The following KCNN1 variants were observed in gnomAD, a reference collection of about 807,000 sequenced individuals.
KCNN1 encodes the protein small conductance calcium-activated potassium channel protein 1.
In KCNN1, 20 loss-of-function variants were observed where a neutral mutation model predicts 44.7. The observed-to-expected ratio is 0.45, with a 90% CI of 0.32 to 0.65. KCNN1 has a LOEUF of 0.65. Among genes scored for constraint, KCNN1 ranks in the 30% least tolerant of loss-of-function variants. The pLI is 0.05. For synonymous variants in KCNN1, 324 were observed against 341.7 expected (o/e 0.95, Z 0.57); for missense variants, 632 against 785.3 (o/e 0.80, Z 2.33).
chr19:17,997,847 G>A (rs763973235), intron 9 of KCNN1, among the ~76,000 whole-genome samples: 7 of 151,630 alleles, frequency 4.6e-5, no homozygotes, highest in Admixed American at 1.3e-4. Context: ...GTAATGAGCC[G>A]AGATTGGGCC....
chr19:17,981,445 C>T (rs942655761), intron 3 of KCNN1, among the ~76,000 whole-genome samples: 1 of 149,126 alleles, frequency 6.7e-6, no homozygotes, highest in Non-Finnish European at 1.5e-5. Flanking sequence ...CCAGCTACTC[C>T]GGAGGCTGAG....
chr19:17,973,662 C>T (rs938530310), intron 1 of KCNN1, 146 bp from the exon 2 acceptor site: 13 of 907,324 alleles, frequency 1.4e-5, no homozygotes, highest in Non-Finnish European at 1.9e-5. Context: ...CAGGCTGACT[C>T]AGATGTTTCT....
chr19:17,993,541 G>A lies in KCNN1; in HGVS notation c.1359G>A (p.Thr453=), dbSNP rs376852061. Residue 453 remains threonine (T), a synonymous_variant, in exon 9 of 10, where the codon ACG becomes ACA. Coordinates refer to ENST00000684775, the MANE Select transcript of KCNN1 (RefSeq NM_001386974.1). The surrounding 1 kb of genome is among the most constrained non-coding windows in gnomAD (Gnocchi z 4.5). Reference sequence around the variant, plus strand: ...GGAAGCTGAACGACCAGGCTAACACGCTTACCGACCTAGCCAAGGTGAGTG... The same window carrying A: ...GGAAGCTGAACGACCAGGCTAACACACTTACCGACCTAGCCAAGGTGAGTG... The part of the protein sequence containing the change: ...EQGKLNDQAN[T]LTDLAKTQTV... 5.5e-5 allele frequency: 88 copies of A among 1,613,926 alleles called. No individual in the cohort carries two copies. The Middle Eastern group carries it at 1.3e-3, about 24-fold the overall frequency.
At chr19:17,975,033 G>A in intron 2 of KCNN1, 59 bp from the exon 3 acceptor site, 1 of 1,397,098 alleles carries the variant, frequency 7.2e-7, no homozygotes, top group Non-Finnish European at 1.0e-6. Context: ...AAGGGGATGG[G>A]AGGGCCGCCG....
chr19:17,952,427 C>G (rs1039445674), intron 1 of KCNN1: 1 of 152,198 alleles, frequency 6.6e-6, no homozygotes, highest in Non-Finnish European at 1.5e-5. Flanking sequence ...AAAGCTTGCC[C>G]GACTCCGGGA....
intron 3 of KCNN1, among the ~76,000 whole-genome samples, chr19:17,980,393 T>G (rs1771399779): frequency 6.6e-6 from 1 of 151,844 alleles, no homozygotes; most frequent in Admixed American, 6.6e-5. Flanking sequence ...GTTTCCACTT[T>G]TGGAGGTTGT....
Position 17,977,277 on chromosome 19 carries a change from A to G in KCNN1, c.498+2090A>G, listed in dbSNP as rs1244914359. 3.3e-5 allele frequency among the ~76,000 whole-genome samples: 5 copies of G among 152,022 alleles called. No individual in the cohort carries two copies. In the East Asian group the frequency reaches 9.6e-4, roughly 29 times the overall value. On this transcript the variant is annotated intron_variant, in intron 3 of 9. Transcript: ENST00000684775. ...CTCCCTTTGAGAGTGTCTGTGTCCA[A>G]ATTTCCCCTTTTTAAAATAAGAACA...
At chr19:17,965,649 G>A (rs535615046), upstream of KCNN1, among the ~76,000 whole-genome samples, 7 of 152,154 alleles carry the variant, frequency 4.6e-5, no homozygotes, top group East Asian at 1.9e-4. Context: ...CTGAAAACCC[G>A]CCCCTTCGGA....
intron 3 of KCNN1, among the ~76,000 whole-genome samples, chr19:17,978,132 T>G (rs1013820250): frequency 2.6e-5 from 4 of 150,946 alleles, no homozygotes; most frequent in Non-Finnish European, 5.9e-5. Flanking sequence ...ACTTGTTTTT[T>G]TTTTTTTTTT....
rs1432587989 is a variant in KCNN1, at chr19:17,998,374, T to C, written c.1600T>C (p.Trp534Arg). 5.4e-6 allele frequency: 8 copies of C among 1,494,496 alleles called. No homozygotes were observed. Among genetic ancestry groups the C allele is most frequent in the Non-Finnish European group, 6.2e-6 (7 of 1,125,464 alleles). 92.6% of individuals were successfully genotyped at this position (1,494,496 alleles called of 1,614,324 possible). A position where few individuals can be genotyped will look rare whatever the true frequency, so the allele number is the denominator to read the frequency against. ...GGCAGCCCGGAGCTCCCCCTGCCGG[T>C]GGACGCCCGTGGCCCCCTCGGACTG... ...DQAARSSPCRWTPVAPSDCG is the reference protein window; with the variant it reads ...DQAARSSPCRRTPVAPSDCG The change falls in exon 10 of 10, where the codon TGG (tryptophan) becomes CGG (arginine). Residue 534 changes from tryptophan to arginine, a missense_variant. Around this residue, in one of 3 missense-constraint regions of KCNN1, gnomAD observed 237 missense variants for 253.0 expected, o/e 0.94. Transcript: ENST00000684775. This position sits in a 1 kb window ranked among gnomAD's most constrained non-coding sequence, Gnocchi z 5.4.
chr19:17,978,617 T>C (rs2032291128), intron 3 of KCNN1, among the ~76,000 whole-genome samples: 1 of 150,852 alleles, frequency 6.6e-6, no homozygotes, highest in Non-Finnish European at 1.5e-5. Context: ...TATACAGATA[T>C]ATAAAACCAT....
At position 17,983,073 on chromosome 19, in the gene KCNN1, G is replaced by A. The variant is rs773574359; in HGVS notation, c.917+946G>A. Reference sequence around the variant, plus strand: ...GAAGGAAAACCGGCCGTGCCTTTGGGACCTCCAAGCAGGAGGGAGTCTGTT... The same window carrying A: ...GAAGGAAAACCGGCCGTGCCTTTGGAACCTCCAAGCAGGAGGGAGTCTGTT... On this transcript the variant is annotated intron_variant, in intron 4 of 9. Transcript: ENST00000684775. The surrounding 1 kb of genome is among the most constrained non-coding windows in gnomAD (Gnocchi z 4.5). Among the ~76,000 whole-genome samples the A allele has an allele frequency of 2.6e-5, 4 of 152,082 alleles. No individual in the cohort carries two copies. The highest frequency in any genetic ancestry group is 5.9e-5 in the Non-Finnish European group (4 of 68,000).
chr19:17,967,215 G>A lies in KCNN1; in HGVS notation c.-184G>A, dbSNP rs1464395966. 2 of 751,012 alleles carry A rather than the reference G, an allele frequency of 2.7e-6. No individual in the cohort carries two copies. The highest frequency in any genetic ancestry group is 6.2e-5 in the South Asian group (1 of 16,158). The allele number at this position is 751,012 out of a possible 1,614,324, so 46.5% of individuals were successfully genotyped here. A position where few individuals can be genotyped will look rare whatever the true frequency, so the allele number is the denominator to read the frequency against. On this transcript the variant is annotated 5_prime_UTR_variant, in exon 1 of 10. Coordinates refer to ENST00000684775, the MANE Select transcript of KCNN1 (RefSeq NM_001386974.1). ...GCCCCGCGCCCGCTCGCTGCTGCCC[G>A]CCCCGTCCGCGACCCCGGCTCCGGC...
chr19:17,967,115 G>C lies in KCNN1; in HGVS notation c.-284G>C. 1.0e-6 allele frequency: 1 copy of C among 978,322 alleles called. No homozygotes were observed. The highest frequency in any genetic ancestry group is 1.8e-5 in the African/African-American group (1 of 56,766). 60.6% of individuals were successfully genotyped at this position (978,322 alleles called of 1,614,324 possible). A position where few individuals can be genotyped will look rare whatever the true frequency, so the allele number is the denominator to read the frequency against. On this transcript the variant is annotated 5_prime_UTR_variant, in exon 1 of 10. Transcript: ENST00000684775. ...TCTCTCCCGGCCCGGGCGGGCGCTC[G>C]CCCCCCGCCGGGCCCGTGGACTGGG...
chr19:17,998,354 C>T lies in KCNN1; in HGVS notation c.1580C>T (p.Ala527Val), dbSNP rs896833369. The T allele has an allele frequency of 4.6e-5, 70 of 1,512,214 alleles. No homozygotes were observed. Among genetic ancestry groups the T allele is most frequent in the Non-Finnish European group, 6.1e-5 (69 of 1,133,880 alleles). The allele number at this position is 1,512,214 out of a possible 1,614,324, so 93.7% of individuals were successfully genotyped here. ...GGCCCCGGCCCCCAAGACCAGGCAG[C>T]CCGGAGCTCCCCCTGCCGGTGGACG... ...RPGPGPQDQAARSSPCRWTPV... is the reference protein window; with the variant it reads ...RPGPGPQDQAVRSSPCRWTPV... The change falls in exon 10 of 10, where the codon GCC becomes GTC. Residue 527 changes from alanine to valine, a missense_variant. By Grantham distance (64) the Ala-to-Val change is moderately conservative (BLOSUM62 0). Around this residue, in one of 3 missense-constraint regions of KCNN1, gnomAD observed 237 missense variants for 253.0 expected, o/e 0.94. Transcript: ENST00000684775. The surrounding 1 kb of genome is among the most constrained non-coding windows in gnomAD (Gnocchi z 5.4).
In KCNN1 at chr19:17,983,908, A is replaced by G. The variant is rs1424823651; in HGVS notation, c.918-1404A>G. 1.3e-5 allele frequency among the ~76,000 whole-genome samples: 2 copies of G among 151,982 alleles called. No individual in the cohort carries two copies. The highest frequency in any genetic ancestry group is 6.6e-5 in the Admixed American group (1 of 15,254). ...CACCGTGGCTCATGCCTGTAATCCC[A>G]GCACTTTGGGAGGCCGAGGCGGGTG... On this transcript the variant is annotated intron_variant, in intron 4 of 9. Transcript: ENST00000684775. The surrounding 1 kb of genome is among the most constrained non-coding windows in gnomAD (Gnocchi z 4.5).
chr19:17,988,562 C>A (rs761209094), intron 6 of KCNN1, 37 bp downstream of exon 6: 2 of 1,481,408 alleles, frequency 1.4e-6, no homozygotes, highest in East Asian at 4.6e-5. Context: ...CGCCTCCTGG[C>A]CTTGTCAGCG....
intron 5 of KCNN1, among the ~76,000 whole-genome samples, chr19:17,987,173 G>C (rs567451870): frequency 1.3e-5 from 2 of 151,060 alleles, no homozygotes; most frequent in African/African-American, 4.9e-5. Context: ...GCAGTGGCGT[G>C]ATCTCAGCTC....
intron 1 of KCNN1, 85 bp downstream of exon 1, chr19:17,967,402 G>C: frequency 2.6e-6 from 2 of 784,160 alleles, no homozygotes; most frequent in Non-Finnish European, 3.1e-6. Context: ...TCTCGGAGGG[G>C]GACGCGGTTT....
Sources: gnomAD v4.1 joint callset for allele counts (sites outside exome capture counted in the v4.1 genomes callset) on GRCh38, gnomAD v4.1.1 for gene constraint, gnomAD v4.1.1 regional missense constraint, Gnocchi (gnomAD v3.1) non-coding constraint, MANE v1.5 for transcripts, NCBI Gene and HGNC (gene_info 2026-07-23, HGNC 2026-07-21) for gene names.